SCUBE2: variants seen among roughly 807,000 people sequenced by gnomAD.
The protein encoded by SCUBE2 is signal peptide, CUB and EGF-like domain-containing protein 2.
In SCUBE2, 114 loss-of-function variants were observed where a neutral mutation model predicts 125.9. That is an observed-to-expected ratio of 0.91 (90% CI 0.78 to 1.06). The LOEUF is 1.06. Among genes scored for constraint, SCUBE2 ranks in the 50% least tolerant of loss-of-function variants. The pLI, the probability that SCUBE2 is intolerant of heterozygous loss-of-function variation, is 0.00. For missense variants in SCUBE2, 1,255 were observed against 1,301.8 expected (o/e 0.96, Z 0.55); for synonymous variants, 459 against 492.9 (o/e 0.93, Z 0.91).
Position 9,091,145 on chromosome 11 carries a change from G to A in SCUBE2, c.133+251C>T, listed in dbSNP as rs1174062781. The stretch of plus-strand genomic sequence containing the variant: ...CGGTCTGACTAGCAGGCGCTCTGGA[G>A]GCATCCGGACCGGGGCGGGAACCGT... On this transcript the variant is annotated intron_variant, in intron 1 of 22. Coordinates refer to ENST00000649792, the MANE Select transcript of SCUBE2 (RefSeq NM_001367977.2). The surrounding 1 kb of genome is among the most constrained non-coding windows in gnomAD (Gnocchi z 8.5). Among the ~76,000 whole-genome samples the A allele has an allele frequency of 1.3e-5, 2 of 152,184 alleles. No homozygotes were observed. Among genetic ancestry groups the A allele is most frequent in the African/African-American group, 2.4e-5 (1 of 41,450 alleles).
intron 2 of SCUBE2, 49 bp downstream of exon 2, chr11:9,089,658 A>G: frequency 6.2e-7 from 1 of 1,600,330 alleles, no homozygotes; most frequent in Non-Finnish European, 8.5e-7. Flanking sequence ...AGAGCTAAGG[A>G]GGTAGGAGCT....
At chr11:9,074,853 T>G (rs1050752583) in intron 3 of SCUBE2, among the ~76,000 whole-genome samples, 3 of 152,210 alleles carry the variant, frequency 2.0e-5, no homozygotes, top group Non-Finnish European at 4.4e-5. Flanking sequence ...AGTAAATATT[T>G]GTTGAACATC....
At chr11:9,038,870 T>TTTTTC (rs145817950) in intron 16 of SCUBE2, among the ~76,000 whole-genome samples, 5,221 of 151,264 alleles carry the variant, frequency 0.035, 102 homozygotes, top group African/African-American at 0.051. Context: ...CTGATTTATG[T>TTTTTC]TTTTCTTTTC....
Position 9,059,429 on chromosome 11 carries a change from C to T in SCUBE2, c.968-4G>A. The T allele has an allele frequency of 6.2e-7, 1 of 1,613,682 alleles. No individual in the cohort carries two copies. The highest frequency in any genetic ancestry group is 1.3e-5 in the African/African-American group (1 of 75,030). On this transcript the variant is annotated splice_polypyrimidine_tract_variant and splice_region_variant and intron_variant, in intron 8 of 22. Transcript: ENST00000649792. ...CGGGTCTGGCACTCATCAATATCTG[C>T]AACAGGAAAGCATTGGGCATATCAG...
chr11:9,047,854 T>C (rs1024025866), intron 15 of SCUBE2, 89 bp downstream of exon 15: 3 of 1,446,134 alleles, frequency 2.1e-6, no homozygotes, highest in African/African-American at 1.4e-5. Flanking sequence ...TTGCATTACT[T>C]TTCCCCCAAG....
In SCUBE2 at chr11:9,019,647, C is replaced by T. The variant is rs1462790072; in HGVS notation, c.*1398G>A. 6.6e-6 allele frequency among the ~76,000 whole-genome samples: 1 copy of T among 152,058 alleles called. No individual in the cohort carries two copies. Among genetic ancestry groups the T allele is most frequent in the Non-Finnish European group, 1.5e-5 (1 of 68,030 alleles). ...TATTAACAGGTTAAAAAAAGCAACA[C>T]TGAGATGAAAAGCAAGTTTAACCAT... On this transcript the variant is annotated 3_prime_UTR_variant, in exon 23 of 23. Coordinates refer to ENST00000649792, the MANE Select transcript of SCUBE2 (RefSeq NM_001367977.2).
In SCUBE2 at chr11:9,021,187, A is replaced by C. The variant is rs2134972637; in HGVS notation, c.2945T>G (p.Leu982Arg). 1 of 1,574,404 alleles carries C rather than the reference A, an allele frequency of 6.4e-7. No homozygotes were observed. The highest frequency in any genetic ancestry group is 1.4e-5 in the African/African-American group (1 of 73,396). Residue 982 changes from leucine to arginine, a missense_variant, in exon 23 of 23, where the codon CTT becomes CGT. Transcript: ENST00000649792. ...NHQEILKDKK[L>R]IKALFDVLAH... The stretch of plus-strand genomic sequence containing the variant: ...CAGGACATCAAACAGAGCCTTGATA[A>C]GTTTCTTATCCTAAAAAGAACAGAA...
chr11:9,064,603 G>A (rs1417303497), intron 7 of SCUBE2: 1 of 152,186 alleles, frequency 6.6e-6, no homozygotes, highest in South Asian at 2.1e-4. Context: ...TGGCAAATGG[G>A]ATGAGGAAAT....
chr11:9,077,866 T>C (rs984209264), intron 3 of SCUBE2, among the ~76,000 whole-genome samples: 2 of 152,212 alleles, frequency 1.3e-5, no homozygotes, highest in Admixed American at 6.5e-5. Flanking sequence ...AAGAAAAGAC[T>C]CTGCCTTCAG....
intron 4 of SCUBE2, among the ~76,000 whole-genome samples, chr11:9,073,851 A>G (rs921620819): frequency 9.2e-5 from 14 of 152,250 alleles, no homozygotes; most frequent in African/African-American, 3.4e-4. Flanking sequence ...GAAAAAAGGT[A>G]TAAACTCAAA....
Position 9,066,761 on chromosome 11 carries a change from G to A in SCUBE2, c.696C>T (p.Ala232=), listed in dbSNP as rs769657269. Reference sequence around the variant, plus strand: ...GATGGCAGCTGCACTCTGGGCCATCGGCTGTATCGTCACAGGAGTGCTGGC... The same window carrying A: ...GATGGCAGCTGCACTCTGGGCCATCAGCTGTATCGTCACAGGAGTGCTGGC... ...GGCQHSCDDT[A]DGPECSCHPQ... is the part of the protein sequence containing the mutation. Residue 232 remains alanine, a synonymous_variant, in exon 6 of 23, where the codon GCC becomes GCT. Coordinates refer to ENST00000649792, the MANE Select transcript of SCUBE2 (RefSeq NM_001367977.2). 1.4e-5 allele frequency: 22 copies of A among 1,614,020 alleles called. No individual in the cohort carries two copies. The highest frequency in any genetic ancestry group is 6.7e-5 in the East Asian group (3 of 44,894).
Position 9,068,260 on chromosome 11 carries a change from G to A in SCUBE2, c.643+1110C>T, listed in dbSNP as rs143092112. 7.7e-3 allele frequency among the ~76,000 whole-genome samples: 1,179 copies of A among 152,338 alleles called. 7 individuals carry two copies. The highest frequency in any genetic ancestry group is 0.011 in the Non-Finnish European group (749 of 68,028). ...GAAGGTTCCTAAAGGGAACTCCTCA[G>A]TGCTTCCCCTGGCATAAATCGTGGT... On this transcript the variant is annotated intron_variant, in intron 5 of 22. Transcript: ENST00000649792.
chr11:9,083,401 T>A (rs1861798141), intron 2 of SCUBE2, among the ~76,000 whole-genome samples: 1 of 152,208 alleles, frequency 6.6e-6, no homozygotes, highest in Non-Finnish European at 1.5e-5. Context: ...AGTTAGTAAA[T>A]CTGCTTTACT....
chr11:9,061,428 G>A (rs536467476), intron 7 of SCUBE2, among the ~76,000 whole-genome samples: 8 of 152,122 alleles, frequency 5.3e-5, no homozygotes, highest in South Asian at 4.2e-4. Flanking sequence ...GCCTGGTGAC[G>A]CACACCTGTG....
Position 9,030,749 on chromosome 11 carries a change from A to G in SCUBE2, c.2341+9T>C, listed in dbSNP as rs1856233089. 2 of 1,609,922 alleles carry G rather than the reference A, an allele frequency of 1.2e-6. No homozygotes were observed. The highest frequency in any genetic ancestry group is 1.7e-6 in the Non-Finnish European group (2 of 1,177,970). On this transcript the variant is annotated intron_variant, in intron 18 of 22. Coordinates refer to ENST00000649792, the MANE Select transcript of SCUBE2 (RefSeq NM_001367977.2). ...AGTCCTAGAAAAAGGCAAGCTGCCA[A>G]GTACTCACCTCTGGTTTCACAGTCC...
chr11:9,038,789 G>C (rs1856959242), intron 16 of SCUBE2, among the ~76,000 whole-genome samples: 1 of 152,260 alleles, frequency 6.6e-6, no homozygotes, highest in African/African-American at 2.4e-5. Flanking sequence ...ATGGGTGCTT[G>C]AAGGCCATGG....
intron 16 of SCUBE2, among the ~76,000 whole-genome samples, chr11:9,036,015 A>G (rs1383469695): frequency 6.6e-6 from 1 of 152,072 alleles, no homozygotes; most frequent in East Asian, 1.9e-4. Flanking sequence ...CAGCTTCCCA[A>G]GTAGCTGGGA....
At chr11:9,074,755 C>T (rs559461005) in intron 3 of SCUBE2, 140 bp from the exon 4 acceptor site, 12 of 1,009,892 alleles carry the variant, frequency 1.2e-5, no homozygotes, top group Admixed American at 8.9e-5. Context: ...GAATCAAAGC[C>T]GGTAAGGTCC....
At chr11:9,064,458 A>C (rs1338116778) in intron 7 of SCUBE2, 2 of 142,678 alleles carry the variant, frequency 1.4e-5, no homozygotes, top group Admixed American at 7.0e-5. Flanking sequence ...ACAGAGTGAG[A>C]CTCTGTCTTA....
Sources: allele counts gnomAD v4.1 joint callset (sites outside exome capture counted in the v4.1 genomes callset), GRCh38; gene constraint gnomAD v4.1.1; non-coding constraint Gnocchi (gnomAD v3.1); transcripts MANE v1.5; gene names NCBI Gene and HGNC (gene_info 2026-07-23, HGNC 2026-07-21).